The following DIP2B variants were observed in gnomAD, a reference collection of about 807,000 sequenced individuals.
DIP2B encodes the protein DIP2 acetate--CoA ligase B (putative).
In DIP2B, 76 loss-of-function variants were observed where a neutral mutation model predicts 198.0. That is an observed-to-expected ratio of 0.38 (90% confidence interval 0.32 to 0.46). The LOEUF (loss-of-function observed/expected upper bound fraction) is 0.46. Among genes scored for constraint, DIP2B ranks in the 20% least tolerant of loss-of-function variants. The pLI, the probability that DIP2B is intolerant of heterozygous loss-of-function variation, is 0.99. For synonymous variants in DIP2B, 701 were observed against 739.1 expected (o/e 0.95, Z 0.84); for missense variants, 1,559 against 1,978.4 (o/e 0.79, Z 4.02).
chr12:50,575,994 A>G (rs1009210967), intron 1 of DIP2B, among the ~76,000 whole-genome samples: 1 of 151,456 alleles, frequency 6.6e-6, no homozygotes, highest in Non-Finnish European at 1.5e-5. Context: ...CTGACCTTAG[A>G]TGATCTGCCT....
intron 25 of DIP2B, among the ~76,000 whole-genome samples, chr12:50,720,580 C>T (rs1272099808): frequency 6.6e-6 from 1 of 152,116 alleles, no homozygotes; most frequent in Non-Finnish European, 1.5e-5. Flanking sequence ...ATGAAGTGAG[C>T]TTCTTTTCAA....
At chr12:50,653,346 CTTT>C (rs34185073) in intron 3 of DIP2B, among the ~76,000 whole-genome samples, 4 of 76,646 alleles carry the variant, frequency 5.2e-5, no homozygotes, top group African/African-American at 1.7e-4. Flanking sequence ...TTTTTCTTTT[CTTT>C]TTTTTTTTTT....
At chr12:50,622,878 C>T (rs1157699985) in intron 1 of DIP2B, among the ~76,000 whole-genome samples, 1 of 151,642 alleles carries the variant, frequency 6.6e-6, no homozygotes, top group Non-Finnish European at 1.5e-5. Context: ...TCCCAAAGTG[C>T]TGGGATTACA....
rs138124171 is a variant in DIP2B at position 50,657,961 on chromosome 12, T to A, written c.302-2233T>A. 3.8e-3 allele frequency among the ~76,000 whole-genome samples: 571 copies of A among 152,048 alleles called. 3 individuals are homozygous for A. The highest frequency in any genetic ancestry group is 0.013 in the African/African-American group (552 of 41,470). Reference sequence around the variant, plus strand: ...ATGGATTGTGGGTTAGATAATAGTTTGTATCAATGTTGAATTTCTGTATTT... The same window carrying A: ...ATGGATTGTGGGTTAGATAATAGTTAGTATCAATGTTGAATTTCTGTATTT... On this transcript the variant is annotated intron_variant, in intron 3 of 37. Transcript: ENST00000301180.
intron 1 of DIP2B, among the ~76,000 whole-genome samples, chr12:50,544,073 A>G (rs559618085): frequency 6.8e-6 from 1 of 146,154 alleles, no homozygotes; most frequent in South Asian, 2.2e-4. Flanking sequence ...ACTAAAATAC[A>G]AAAAATTAGC....
chr12:50,547,875 C>T (rs2139382420), intron 1 of DIP2B, among the ~76,000 whole-genome samples: 1 of 152,146 alleles, frequency 6.6e-6, no homozygotes, highest in Non-Finnish European at 1.5e-5. Flanking sequence ...TCGAGACCAA[C>T]TTGGGCAATG....
intron 3 of DIP2B, among the ~76,000 whole-genome samples, chr12:50,653,691 C>T (rs999859946): frequency 3.3e-5 from 5 of 151,808 alleles, no homozygotes; most frequent in African/African-American, 1.2e-4. Flanking sequence ...GTTGTAATGT[C>T]TCCTCTTTTA....
intron 19 of DIP2B, among the ~76,000 whole-genome samples, chr12:50,703,481 T>C (rs201822541): frequency 6.6e-6 from 1 of 152,318 alleles, no homozygotes; most frequent in East Asian, 1.9e-4. Context: ...AAAGCACCTT[T>C]ATAATAGTGA....
intron 4 of DIP2B, among the ~76,000 whole-genome samples, chr12:50,668,126 C>G (rs1047024119): frequency 3.3e-5 from 5 of 152,222 alleles, no homozygotes; most frequent in African/African-American, 1.2e-4. Flanking sequence ...TGACGCTGCA[C>G]TCTCCCTACC....
chr12:50,722,257 A>G (rs58762961), intron 26 of DIP2B, among the ~76,000 whole-genome samples: 3 of 57,200 alleles, frequency 5.2e-5, no homozygotes, highest in African/African-American at 1.3e-4. Context: ...TTGTTTGTTT[A>G]TTTTATTTTA....
At chr12:50,547,287 C>G (rs898427463) in intron 1 of DIP2B, among the ~76,000 whole-genome samples, 2 of 152,122 alleles carry the variant, frequency 1.3e-5, no homozygotes, top group Non-Finnish European at 2.9e-5. Flanking sequence ...CTGTACAACA[C>G]TAGAGTAATT....
rs188556566 is a variant in DIP2B, at chr12:50,723,584, A to T, written c.3288+261A>T. Among the ~76,000 whole-genome samples the T allele has an allele frequency of 9.9e-5, 15 of 152,254 alleles. No individual in the cohort carries two copies. In the East Asian group the frequency reaches 2.5e-3, roughly 25 times the overall value. On this transcript the variant is annotated intron_variant, in intron 27 of 37. Transcript: ENST00000301180. ...AGGTGAAGCAGCCATTAGTATTTCT[A>T]CAACAAAAACACAAAAGGTAGCCAG...
Position 50,671,021 on chromosome 12 carries a change from C to T in DIP2B, c.428-165C>T, listed in dbSNP as rs1015027182. Reference sequence around the variant, plus strand: ...TATTTTATTTTTGTAGGCTTTGGTCCATAGACTTTTCCTTGAGATTCTTGA... The same window carrying T: ...TATTTTATTTTTGTAGGCTTTGGTCTATAGACTTTTCCTTGAGATTCTTGA... On this transcript the variant is annotated intron_variant, in intron 4 of 37. Transcript: ENST00000301180. Among the ~76,000 whole-genome samples, 5 of 152,120 alleles carry T rather than the reference C, an allele frequency of 3.3e-5. No homozygotes were observed. The South Asian group carries it at 1.0e-3, about 32-fold the overall frequency.
At chr12:50,640,983 CACCA>C in intron 3 of DIP2B, 131 bp downstream of exon 3, 1 of 1,133,546 alleles carries the variant, frequency 8.8e-7, no homozygotes, top group Non-Finnish European at 1.2e-6. Flanking sequence ...TTAACTCATT[CACCA>C]ATCATTTATT....
At chr12:50,616,204 T>C (rs1260116052) in intron 1 of DIP2B, among the ~76,000 whole-genome samples, 1 of 152,248 alleles carries the variant, frequency 6.6e-6, no homozygotes, top group Non-Finnish European at 1.5e-5. Flanking sequence ...CAGTCTGTGC[T>C]TATTCTCTAG....
intron 1 of DIP2B, among the ~76,000 whole-genome samples, chr12:50,619,392 C>G (rs1565847046): frequency 1.3e-5 from 2 of 152,162 alleles, no homozygotes; most frequent in Non-Finnish European, 2.9e-5. Flanking sequence ...ACTAGCAAAC[C>G]ACTAAGTGAC....
intron 1 of DIP2B, among the ~76,000 whole-genome samples, chr12:50,557,082 A>G (rs1365119136): frequency 6.6e-6 from 1 of 152,084 alleles, no homozygotes; most frequent in Non-Finnish European, 1.5e-5. Flanking sequence ...CCTGACCTCA[A>G]ATGATCTGCC....
chr12:50,525,601 C>G (rs1958156951), intron 1 of DIP2B, among the ~76,000 whole-genome samples: 1 of 151,250 alleles, frequency 6.6e-6, no homozygotes, highest in Non-Finnish European at 1.5e-5. Flanking sequence ...CAGCCTTGAC[C>G]TCCCAGGCTC....
At chr12:50,559,709 CCACACACACACACA>C (rs55678718) in intron 1 of DIP2B, among the ~76,000 whole-genome samples, 1 of 139,520 alleles carries the variant, frequency 7.2e-6, no homozygotes, top group Non-Finnish European at 1.5e-5. Flanking sequence ...GTGACAGAAA[CCACACACACACACA>C]CACACACACA....
Sources: allele counts gnomAD v4.1 joint callset (sites outside exome capture counted in the v4.1 genomes callset), GRCh38; gene constraint gnomAD v4.1.1; transcripts MANE v1.5; gene names NCBI Gene and HGNC (gene_info 2026-07-23, HGNC 2026-07-21).